FRAS1: variants seen among roughly 807,000 people sequenced by gnomAD.
FRAS1 encodes extracellular matrix organizing protein FRAS1.
FRAS1 carries 290 observed loss-of-function variants against 435.2 expected under a neutral mutation model. That is an observed-to-expected ratio of 0.67 (90% confidence interval 0.61 to 0.73). The LOEUF (loss-of-function observed/expected upper bound fraction) is 0.73. Ranked by LOEUF, FRAS1 falls within the 30% of genes least tolerant of loss-of-function variation. The pLI, the probability that FRAS1 is intolerant of heterozygous loss-of-function variation, is 0.00. For synonymous variants in FRAS1, 1,800 were observed against 1,851.0 expected (o/e 0.97, Z 0.71); for missense variants, 4,860 against 5,001.5 (o/e 0.97, Z 0.85).
At chr4:78,178,170 T>C (rs1294529441) in intron 2 of FRAS1, among the ~76,000 whole-genome samples, 4 of 152,190 alleles carry the variant, frequency 2.6e-5, no homozygotes, top group Admixed American at 2.6e-4. Context: ...TTTTTCTTTC[T>C]ATGTGTATGT....
At position 78,407,767 on chromosome 4, in the gene FRAS1, C is replaced by T. The variant is rs1179931234; in HGVS notation, c.4234C>T (p.Gln1412Ter). 6.2e-7 allele frequency: 1 copy of T among 1,613,768 alleles called. No individual in the cohort carries two copies. Among genetic ancestry groups the T allele is most frequent in the African/African-American group, 1.3e-5 (1 of 74,914 alleles). The stretch of plus-strand genomic sequence containing the variant: ...TACCCCCACCAGCACCTTCACCCAG[C>T]AGGACATCAATGAAGGCATCGTATG... ...TATPTSTFTQ[Q>*]DINEGIVWYR... The change falls in exon 31 of 74, where the codon CAG becomes TAG. Residue 1412 changes from glutamine (Q) to a stop codon, truncating the protein, a stop_gained. Coordinates refer to ENST00000512123, the MANE Select transcript of FRAS1 (RefSeq NM_025074.7). LOFTEE classifies it high-confidence loss of function.
At chr4:78,387,941 A>G (rs1392391303) in intron 29 of FRAS1, among the ~76,000 whole-genome samples, 1 of 152,178 alleles carries the variant, frequency 6.6e-6, no homozygotes, top group Non-Finnish European at 1.5e-5. Context: ...GTACTGCCAT[A>G]AGAACGTGTT....
intron 41 of FRAS1, among the ~76,000 whole-genome samples, chr4:78,444,644 AAATC>A (rs1275335459): frequency 6.6e-6 from 1 of 152,234 alleles, no homozygotes; most frequent in Non-Finnish European, 1.5e-5. Context: ...TGACAATTTC[AAATC>A]AATCAGTTAG....
chr4:78,407,635 A>G (rs745952215), intron 30 of FRAS1, 28 bp from the exon 31 acceptor site: 1 of 1,568,956 alleles, frequency 6.4e-7, no homozygotes, highest in Admixed American at 1.9e-5. Flanking sequence ...AGGGACCCTC[A>G]CTAACTATGT....
At chr4:78,534,111 G>T (rs540110693) in intron 70 of FRAS1, among the ~76,000 whole-genome samples, 1 of 152,252 alleles carries the variant, frequency 6.6e-6, no homozygotes, top group East Asian at 1.9e-4. Context: ...ATGCAGCTCT[G>T]GGAAGAAATC....
Position 78,400,751 on chromosome 4 carries a change from G to T in FRAS1, c.3993G>T (p.Gln1331His). The change falls in exon 30 of 74, where the codon CAG becomes CAT. Residue 1331 changes from glutamine (Q) to histidine (H), a missense_variant. Coordinates refer to ENST00000512123, the MANE Select transcript of FRAS1 (RefSeq NM_025074.7). ...TATTTCAGAATGACAGGGGTCTTCA[G>T]CTTGTGGCTAATTCGATGGTGTGGG... Reference protein sequence around the residue: ...KTVPQNDRGLQLVANSMVWVP... With the variant: ...KTVPQNDRGLHLVANSMVWVP... 1 of 1,612,968 alleles carries T rather than the reference G, an allele frequency of 6.2e-7. No individual in the cohort carries two copies. The highest frequency in any genetic ancestry group is 1.1e-5 in the South Asian group (1 of 90,784).
Position 78,432,443 on chromosome 4 carries a change from A to C in FRAS1, c.5056A>C (p.Ile1686Leu), listed in dbSNP as rs748832101. 6.3e-5 allele frequency: 102 copies of C among 1,613,034 alleles called. No homozygotes were observed. Among genetic ancestry groups the C allele is most frequent in the Non-Finnish European group, 8.6e-5 (102 of 1,179,564 alleles). Residue 1686 changes from isoleucine to leucine, a missense_variant, in exon 38 of 74, where the codon ATC (isoleucine) becomes CTC (leucine). Coordinates refer to ENST00000512123, the MANE Select transcript of FRAS1 (RefSeq NM_025074.7). Reference sequence around the variant, plus strand: ...CTCTACCCGGGAAGACAGCATGGAGATCTCAGTCACAGATGGCCTCACAGT... The same window carrying C: ...CTCTACCCGGGAAGACAGCATGGAGCTCTCAGTCACAGATGGCCTCACAGT... ...GSSTREDSMEISVTDGLTVTM... is the reference protein window; with the variant it reads ...GSSTREDSMELSVTDGLTVTM...
intron 2 of FRAS1, among the ~76,000 whole-genome samples, chr4:78,089,581 T>C (rs1238931329): frequency 6.6e-6 from 1 of 152,152 alleles, no homozygotes; most frequent in Non-Finnish European, 1.5e-5. Context: ...AGTTTTTAAT[T>C]TTCCTCTGGC....
rs545832841 is a variant in FRAS1, at chr4:78,188,093, G to T, written c.109-49417G>T. 7.9e-5 allele frequency among the ~76,000 whole-genome samples: 12 copies of T among 152,166 alleles called. No homozygotes were observed. In the South Asian group the frequency reaches 1.9e-3, roughly 24 times the overall value. On this transcript the variant is annotated intron_variant, in intron 2 of 73. Coordinates refer to ENST00000512123, the MANE Select transcript of FRAS1 (RefSeq NM_025074.7). ...GTAGAATTTGTCTGAGTGGGGTCTTGGTCACCTGTCAACAGTTATCCTTCC... is the reference window on the plus strand; with the variant it reads ...GTAGAATTTGTCTGAGTGGGGTCTTTGTCACCTGTCAACAGTTATCCTTCC...
At chr4:78,234,469 C>T (rs865889411) in intron 2 of FRAS1, among the ~76,000 whole-genome samples, 9 of 152,272 alleles carry the variant, frequency 5.9e-5, no homozygotes, top group African/African-American at 2.2e-4. Flanking sequence ...TCGTGATCCA[C>T]CCGCCTCGGC....
chr4:78,539,812 AT>A (rs1721994152), intron 73 of FRAS1, among the ~76,000 whole-genome samples: 1 of 152,240 alleles, frequency 6.6e-6, no homozygotes, highest in Non-Finnish European at 1.5e-5. Flanking sequence ...CAATACAGCA[AT>A]TTAGAATAGC....
At chr4:78,249,050 TATATATATATATGC>T (rs1457176388) in intron 4 of FRAS1, among the ~76,000 whole-genome samples, 4 of 93,608 alleles carry the variant, frequency 4.3e-5, no homozygotes, top group Non-Finnish European at 6.0e-5. Context: ...GAACTACTGA[TATATATATATATGC>T]ATATATATAT....
chr4:78,475,367 A>G, intron 53 of FRAS1, 71 bp from the exon 54 acceptor site: 1 of 1,529,496 alleles, frequency 6.5e-7, no homozygotes, highest in South Asian at 1.1e-5. Context: ...TGGAAGAGAC[A>G]GGCATTAAAC....
At chr4:78,490,605 A>C (rs920305369) in intron 59 of FRAS1, among the ~76,000 whole-genome samples, 1 of 152,208 alleles carries the variant, frequency 6.6e-6, no homozygotes, top group Non-Finnish European at 1.5e-5. Context: ...CTTTGAAACC[A>C]ATGAGAACAA....
At chr4:78,111,916 C>T (rs1742738053) in intron 2 of FRAS1, among the ~76,000 whole-genome samples, 1 of 152,014 alleles carries the variant, frequency 6.6e-6, no homozygotes. Flanking sequence ...AGCCATATTA[C>T]ACACTTCTGA....
chr4:78,252,362 T>G (rs377023411), intron 4 of FRAS1, 30 bp from the exon 5 acceptor site: 18 of 1,127,626 alleles, frequency 1.6e-5, no homozygotes, highest in Non-Finnish European at 2.2e-5. Context: ...GGCACTAACC[T>G]TTTTTTTTTT....
At chr4:78,066,140 A>G (rs890471841) in intron 2 of FRAS1, 124 bp downstream of exon 2, 3 of 727,592 alleles carry the variant, frequency 4.1e-6, no homozygotes, top group East Asian at 2.7e-5. Context: ...ACGTTTGACA[A>G]TTAGCCCTCA....
chr4:78,177,460 C>T (rs1295820897), intron 2 of FRAS1, among the ~76,000 whole-genome samples: 8 of 152,104 alleles, frequency 5.3e-5, no homozygotes, highest in Non-Finnish European at 5.9e-5. Context: ...GCTGCTGAGA[C>T]AAGTGGTTGG....
At chr4:78,463,929 C>T (rs757258898) in intron 47 of FRAS1, 92 bp from the exon 48 acceptor site, 1 of 1,383,988 alleles carries the variant, frequency 7.2e-7, no homozygotes, top group African/African-American at 1.4e-5. Flanking sequence ...AAAGGACTCT[C>T]TATCTGGTGA....
Sources: allele counts gnomAD v4.1 joint callset (sites outside exome capture counted in the v4.1 genomes callset), GRCh38; gene constraint gnomAD v4.1.1; transcripts MANE v1.5; gene names NCBI Gene and HGNC (gene_info 2026-07-23, HGNC 2026-07-21).